ZNF705G: variants seen among roughly 807,000 people sequenced by gnomAD.
The protein encoded by ZNF705G is zinc finger protein 705G, also known as putative zinc finger protein 705G.
Under a neutral mutation model 19.6 loss-of-function variants are expected in ZNF705G, and 23 were observed. That is an observed-to-expected ratio of 1.17 (90% CI 0.84 to 1.66). The LOEUF is 1.66. ZNF705G is among the 40% of genes most tolerant of loss of function. The pLI is 0.00. For synonymous variants in ZNF705G, 146 were observed against 117.7 expected, an observed-to-expected ratio of 1.24 and a Z score of -1.56; for missense variants, 457 against 354.4, an observed-to-expected ratio of 1.29 and a Z score of -2.32.
At chr8:7,366,586 A>C (rs1317500966) in intron 2 of ZNF705G, among the ~76,000 whole-genome samples, 5 of 149,694 alleles carry the variant, frequency 3.3e-5, no homozygotes, top group Admixed American at 6.6e-5. Context: ...AAATAATAAT[A>C]CCTGAGTATA....
Position 7,364,028 on chromosome 8 carries a change from G to A in ZNF705G, c.-71-1011C>T, listed in dbSNP as rs759653321. 1.5e-4 allele frequency among the ~76,000 whole-genome samples: 23 copies of A among 149,326 alleles called. 1 individual carries two copies. The highest frequency in any genetic ancestry group is 1.0e-4 in the Non-Finnish European group (7 of 67,990). ...GAAAATACAAAATGACTTAGGAGAG[G>A]GAGAAATTTAGCAGCTCAATCTGAT... is the stretch of plus-strand genomic sequence containing the variant. On this transcript the variant is annotated intron_variant, in intron 2 of 6. Coordinates refer to ENST00000400156, the MANE Select transcript of ZNF705G (RefSeq NM_001164457.3).
At chr8:7,384,943 T>C (rs1807663426) in intron 1 of ZNF705G, among the ~76,000 whole-genome samples, 3 of 146,224 alleles carry the variant, frequency 2.1e-5, no homozygotes, top group South Asian at 2.1e-4. Context: ...GTTATACAAC[T>C]AGTGATTGAG....
At chr8:7,378,834 A>G (rs1249417533) in intron 2 of ZNF705G, among the ~76,000 whole-genome samples, 1 of 147,000 alleles carries the variant, frequency 6.8e-6, no homozygotes, top group East Asian at 1.9e-4. Flanking sequence ...TCAGGTGATT[A>G]ACAGCCTTAA....
chr8:7,374,701 A>G (rs1344628911), intron 2 of ZNF705G, among the ~76,000 whole-genome samples: 1 of 90,330 alleles, frequency 1.1e-5, no homozygotes, highest in Non-Finnish European at 2.1e-5. Context: ...TGAGGCTCAG[A>G]ATACCAAGCC....
At chr8:7,360,384 A>C (rs2128835992) in intron 4 of ZNF705G, 52 bp from the exon 5 acceptor site, 1 of 1,584,156 alleles carries the variant, frequency 6.3e-7, no homozygotes, top group African/African-American at 1.5e-5. Context: ...ATAAATGTGC[A>C]TTATCACCAA....
chr8:7,369,288 T>C (rs1806993427), intron 2 of ZNF705G, among the ~76,000 whole-genome samples: 2 of 149,438 alleles, frequency 1.3e-5, no homozygotes, highest in African/African-American at 5.1e-5. Flanking sequence ...TAAAGATGTA[T>C]GGGAAAGCCT....
At chr8:7,379,331 C>G (rs540420077) in intron 2 of ZNF705G, among the ~76,000 whole-genome samples, 1 of 147,456 alleles carries the variant, frequency 6.8e-6, no homozygotes, top group South Asian at 2.1e-4. Context: ...CACCAACTGT[C>G]CCTTTAATAT....
rs532265189 is a variant in ZNF705G, at chr8:7,369,612, G to A, written c.-71-6595C>T. ...TGTGTGCACTCATATATTTATTATAGCATTATTTGCAATAGCAAAGACATG... is the reference window on the plus strand; with the variant it reads ...TGTGTGCACTCATATATTTATTATAACATTATTTGCAATAGCAAAGACATG... On this transcript the variant is annotated intron_variant, in intron 2 of 6. Transcript: ENST00000400156. Among the ~76,000 whole-genome samples the A allele has an allele frequency of 2.4e-4, 36 of 149,770 alleles. No individual in the cohort carries two copies. The South Asian group carries it at 6.3e-3, about 26-fold the overall frequency.
In ZNF705G at chr8:7,380,293, T is replaced by G. The variant is rs2128847601; in HGVS notation, c.-72+1159A>C. Among the ~76,000 whole-genome samples, 2 of 146,546 alleles carry G rather than the reference T, an allele frequency of 1.4e-5. 1 individual carries two copies. Among genetic ancestry groups the G allele is most frequent in the African/African-American group, 5.5e-5 (2 of 36,136 alleles). ...CACAGGCCCATCCCACCCATTGCTG[T>G]CACTACCACTACCCAAGGTCGTTGT... On this transcript the variant is annotated intron_variant, in intron 2 of 6. Transcript: ENST00000400156.
intron 1 of ZNF705G, among the ~76,000 whole-genome samples, chr8:7,382,269 G>C (rs1372404073): frequency 2.7e-5 from 4 of 148,310 alleles, no homozygotes; most frequent in African/African-American, 1.1e-4. Context: ...TTATGGCATG[G>C]CTGTAACCTG....
intron 2 of ZNF705G, among the ~76,000 whole-genome samples, chr8:7,370,293 A>ATT (rs1807045207): frequency 6.7e-6 from 1 of 148,278 alleles, no homozygotes; most frequent in Non-Finnish European, 1.5e-5. Flanking sequence ...ATATGCAAAG[A>ATT]TCTGAGTAGA....
chr8:7,365,613 G>A (rs1415448184), intron 2 of ZNF705G, among the ~76,000 whole-genome samples: 2 of 149,192 alleles, frequency 1.3e-5, no homozygotes, highest in Non-Finnish European at 2.9e-5. Flanking sequence ...CAGGTGATCC[G>A]CCAGCCTCCG....
intron 2 of ZNF705G, among the ~76,000 whole-genome samples, chr8:7,380,886 G>T (rs1352742391): frequency 1.4e-5 from 2 of 141,488 alleles, no homozygotes; most frequent in African/African-American, 6.2e-5. Context: ...GCATGGAGGC[G>T]CATGCCTGTA....
At chr8:7,384,481 G>T (rs1328141326) in intron 1 of ZNF705G, among the ~76,000 whole-genome samples, 1 of 145,776 alleles carries the variant, frequency 6.9e-6, no homozygotes, top group African/African-American at 2.8e-5. Flanking sequence ...ATCATCACTG[G>T]TCATTAGAGA....
intron 1 of ZNF705G, among the ~76,000 whole-genome samples, chr8:7,382,620 G>A (rs529680095): frequency 2.1e-5 from 3 of 146,228 alleles, no homozygotes; most frequent in Non-Finnish European, 2.9e-5. Flanking sequence ...TTTTAAAATT[G>A]CGTTTTGATT....
intron 2 of ZNF705G, among the ~76,000 whole-genome samples, chr8:7,379,456 C>T (rs1482767727): frequency 2.0e-5 from 3 of 146,972 alleles, no homozygotes; most frequent in East Asian, 1.9e-4. Context: ...TTCAAGATGG[C>T]TGACTAGAGG....
intron 2 of ZNF705G, among the ~76,000 whole-genome samples, chr8:7,367,676 G>T (rs1163932957): frequency 6.7e-6 from 1 of 149,618 alleles, no homozygotes; most frequent in Non-Finnish European, 1.5e-5. Context: ...TCAGGCATCT[G>T]CTCGGGTCTC....
At chr8:7,384,637 C>A (rs1242793672) in intron 1 of ZNF705G, among the ~76,000 whole-genome samples, 44 of 145,116 alleles carry the variant, frequency 3.0e-4, no homozygotes, top group Non-Finnish European at 4.6e-4. Context: ...ACAACTTTGC[C>A]TTTTAGGGCC....
At chr8:7,380,799 C>T (rs1260582695) in intron 2 of ZNF705G, among the ~76,000 whole-genome samples, 1 of 145,454 alleles carries the variant, frequency 6.9e-6, no homozygotes, top group African/African-American at 2.8e-5. Flanking sequence ...GGGGGCAGAT[C>T]ACCCGAGGTC....
Sources: gnomAD v4.1 joint callset for allele counts (sites outside exome capture counted in the v4.1 genomes callset) on GRCh38, gnomAD v4.1.1 for gene constraint, MANE v1.5 for transcripts, NCBI Gene and HGNC (gene_info 2026-07-23, HGNC 2026-07-21) for gene names.